The following C1QTNF3 variants were observed in gnomAD, a reference collection of about 807,000 sequenced individuals.
C1QTNF3 encodes C1q and TNF related 3.
In C1QTNF3, 26 loss-of-function variants were observed where a neutral mutation model predicts 32.6. The observed-to-expected ratio is 0.80, with a 90% CI of 0.58 to 1.11. The LOEUF (loss-of-function observed/expected upper bound fraction) is 1.11. Among genes scored for constraint, C1QTNF3 ranks in the 50% least tolerant of loss-of-function variants. C1QTNF3 has a pLI of 0.00. For synonymous variants in C1QTNF3, 155 were observed against 146.0 expected, an observed-to-expected ratio of 1.06 and a Z score of -0.44; for missense variants, 362 against 398.2, an observed-to-expected ratio of 0.91 and a Z score of 0.77.
chr5:34,075,747 TA>T, the C1QTNF3 span, among the ~76,000 whole-genome samples: 3 of 151,440 alleles, frequency 2.0e-5, no homozygotes, highest in Non-Finnish European at 4.4e-5. Flanking sequence ...GGATATATTT[TA>T]AAAAAATGAA....
At chr5:34,229,094 C>T in the C1QTNF3 span, among the ~76,000 whole-genome samples, 3 of 151,942 alleles carry the variant, frequency 2.0e-5, no homozygotes, top group South Asian at 2.1e-4. Flanking sequence ...ACATGCTGCA[C>T]GCAGGAAAGA....
the C1QTNF3 span, among the ~76,000 whole-genome samples, chr5:34,208,671 T>C: frequency 6.6e-6 from 1 of 152,182 alleles, no homozygotes; most frequent in South Asian, 2.1e-4. Flanking sequence ...AATAACAGTA[T>C]ATACAGTGTA....
chr5:34,055,444 A>G, the C1QTNF3 span, among the ~76,000 whole-genome samples: 24 of 152,214 alleles, frequency 1.6e-4, no homozygotes, highest in Non-Finnish European at 3.2e-4. Flanking sequence ...ACAACAGCCA[A>G]TCAGCACAGA....
rs115621252 is a variant in C1QTNF3, at chr5:34,031,159, A to G, written c.570+2145T>C. On this transcript the variant is annotated intron_variant, in intron 3 of 5. Coordinates refer to ENST00000382065, the MANE Select transcript of C1QTNF3 (RefSeq NM_181435.6). Reference sequence around the variant, plus strand: ...CATTGAAGAATGAGCTGTGAAAGTCAAAGTTAATCCTTCGTCCAAATGAGT... The same window carrying G: ...CATTGAAGAATGAGCTGTGAAAGTCGAAGTTAATCCTTCGTCCAAATGAGT... Among the ~76,000 whole-genome samples, 802 of 152,340 alleles carry G rather than the reference A, an allele frequency of 5.3e-3. 7 individuals are homozygous for G. Among genetic ancestry groups the G allele is most frequent in the African/African-American group, 0.018 (760 of 41,582 alleles).
At chr5:34,084,228 T>C in the C1QTNF3 span, among the ~76,000 whole-genome samples, 1 of 151,798 alleles carries the variant, frequency 6.6e-6, no homozygotes. Context: ...TATTTATTTG[T>C]GAAGGTGGCT....
chr5:34,237,408 T>A, the C1QTNF3 span, among the ~76,000 whole-genome samples: 1 of 152,242 alleles, frequency 6.6e-6, no homozygotes, highest in Non-Finnish European at 1.5e-5. Context: ...TGTGCTATTT[T>A]TCAATTTTTA....
At chr5:34,110,215 A>G in the C1QTNF3 span, among the ~76,000 whole-genome samples, 1 of 152,080 alleles carries the variant, frequency 6.6e-6, no homozygotes, top group Non-Finnish European at 1.5e-5. Context: ...AAGGGCAAGC[A>G]GCGTTCCTTT....
the C1QTNF3 span, among the ~76,000 whole-genome samples, chr5:34,087,712 A>G: frequency 1.3e-5 from 2 of 151,868 alleles, no homozygotes; most frequent in Admixed American, 6.6e-5. Context: ...GTAGCTGGGA[A>G]TACAAGTACT....
the C1QTNF3 span, among the ~76,000 whole-genome samples, chr5:34,128,284 A>C: frequency 1.3e-5 from 2 of 152,192 alleles, no homozygotes; most frequent in African/African-American, 4.8e-5. Flanking sequence ...AAGTGCCTGG[A>C]TATCCAGGCA....
the C1QTNF3 span, among the ~76,000 whole-genome samples, chr5:34,207,660 A>G: frequency 6.6e-6 from 1 of 152,088 alleles, no homozygotes; most frequent in Non-Finnish European, 1.5e-5. Flanking sequence ...TCTTAAGCTC[A>G]CTATCTACCT....
chr5:34,037,555 G>C (rs1561060238), intron 1 of C1QTNF3, among the ~76,000 whole-genome samples: 1 of 152,196 alleles, frequency 6.6e-6, no homozygotes, highest in Non-Finnish European at 1.5e-5. Flanking sequence ...ACACAGAACA[G>C]AATCTGTAGC....
the C1QTNF3 span, among the ~76,000 whole-genome samples, chr5:34,120,519 T>C: frequency 6.6e-6 from 1 of 152,140 alleles, no homozygotes; most frequent in South Asian, 2.1e-4. Flanking sequence ...TGGTTGTGTC[T>C]CCACTCAAAT....
At chr5:34,040,064 C>T (rs1754830794) in intron 1 of C1QTNF3, among the ~76,000 whole-genome samples, 1 of 152,202 alleles carries the variant, frequency 6.6e-6, no homozygotes, top group Admixed American at 6.5e-5. Flanking sequence ...TGGAGCAATG[C>T]TTTTGCATTG....
the C1QTNF3 span, among the ~76,000 whole-genome samples, chr5:34,077,960 G>A: frequency 1.3e-5 from 2 of 151,890 alleles, no homozygotes; most frequent in East Asian, 3.9e-4. Context: ...GAGGACTGCA[G>A]CATTAAATAT....
chr5:34,162,641 AG>A, the C1QTNF3 span, among the ~76,000 whole-genome samples: 1 of 152,176 alleles, frequency 6.6e-6, no homozygotes, highest in Non-Finnish European at 1.5e-5. Flanking sequence ...ATCAGTGAAG[AG>A]GGGCTAAAAT....
At chr5:34,229,758 A>C in the C1QTNF3 span, among the ~76,000 whole-genome samples, 1 of 152,200 alleles carries the variant, frequency 6.6e-6, no homozygotes, top group East Asian at 1.9e-4. Context: ...AATCTATTGA[A>C]GATGATTGGC....
the C1QTNF3 span, among the ~76,000 whole-genome samples, chr5:34,222,032 T>G: frequency 1.3e-5 from 2 of 152,050 alleles, no homozygotes; most frequent in Admixed American, 1.3e-4. Context: ...TCATTCAGCC[T>G]GAATCAAAGC....
At position 34,043,180 on chromosome 5, in the gene C1QTNF3, G is replaced by A. The variant is rs1404999852; in HGVS notation, c.-55C>T. 8.4e-6 allele frequency: 13 copies of A among 1,553,232 alleles called. No individual in the cohort carries two copies. The highest frequency in any genetic ancestry group is 3.6e-5 in the South Asian group (3 of 82,644). On this transcript the variant is annotated 5_prime_UTR_variant, in exon 1 of 6. It adds an upstream start codon to the 5' untranslated region. Coordinates refer to ENST00000382065, the MANE Select transcript of C1QTNF3 (RefSeq NM_181435.6). ...GAGAAGACAGCAGAGCTCCAGGAGC[G>A]TGGTCTCCTCGGGCAGATGCCAGGA...
chr5:34,104,852 TAAATA>T, the C1QTNF3 span, among the ~76,000 whole-genome samples: 1 of 152,046 alleles, frequency 6.6e-6, no homozygotes, highest in Admixed American at 6.5e-5. Context: ...TATTTTAATG[TAAATA>T]TAATAGATAA....
Sources: gnomAD v4.1 joint callset for allele counts (sites outside exome capture counted in the v4.1 genomes callset) on GRCh38, gnomAD v4.1.1 for gene constraint, MANE v1.5 for transcripts, NCBI Gene and HGNC (gene_info 2026-07-23, HGNC 2026-07-21) for gene names.